Variants in DNER observed in about 807,000 individuals in gnomAD.
The protein encoded by DNER is delta and Notch-like epidermal growth factor-related receptor.
A neutral mutation model predicts 78.2 loss-of-function variants in DNER; 33 were observed. The observed-to-expected ratio is 0.42, with a 90% CI of 0.32 to 0.56. The LOEUF is 0.56. Among genes scored for constraint, DNER ranks in the 20% least tolerant of loss-of-function variants. The pLI is 0.11. For synonymous variants in DNER, 417 were observed against 384.8 expected, an observed-to-expected ratio of 1.08 and a Z score of -0.98; for missense variants, 918 against 975.3, an observed-to-expected ratio of 0.94 and a Z score of 0.78.
In DNER at chr2:229,477,260, A is replaced by T. The variant is rs781514239; in HGVS notation, c.1148-7T>A. On this transcript the variant is annotated splice_polypyrimidine_tract_variant and splice_region_variant and intron_variant, in intron 6 of 12. Transcript: ENST00000341772. ...CAAAGCTCTCCAGTATAACCTGAAT[A>T]AAACAAAATGTACATTTTATAAAAT... is the stretch of plus-strand genomic sequence containing the variant. 18 of 1,598,056 alleles carry T rather than the reference A, an allele frequency of 1.1e-5. 1 individual carries two copies. The highest frequency in any genetic ancestry group is 1.7e-4 in the Middle Eastern group (1 of 6,038).
At chr2:229,475,294 T>C (rs774383963) in intron 7 of DNER, among the ~76,000 whole-genome samples, 5 of 152,206 alleles carry the variant, frequency 3.3e-5, no homozygotes, top group Admixed American at 2.0e-4. Flanking sequence ...AGGATGAAGA[T>C]GAAAGGCCTT....
intron 4 of DNER, among the ~76,000 whole-genome samples, chr2:229,573,265 C>A (rs191238312): frequency 2.8e-4 from 43 of 152,268 alleles, no homozygotes; most frequent in Non-Finnish European, 5.3e-4. Flanking sequence ...GAAGAATGCA[C>A]GTGAATACCA....
intron 6 of DNER, among the ~76,000 whole-genome samples, chr2:229,484,122 G>A (rs564464817): frequency 5.9e-4 from 90 of 152,136 alleles, no homozygotes; most frequent in Non-Finnish European, 1.0e-3. Flanking sequence ...TTGAAGGAGC[G>A]AATCCACTTG....
intron 9 of DNER, among the ~76,000 whole-genome samples, chr2:229,409,369 A>G (rs1693457268): frequency 6.6e-6 from 1 of 152,232 alleles, no homozygotes; most frequent in Non-Finnish European, 1.5e-5. Context: ...AGGTGCCTGA[A>G]GCCTAGAAAA....
chr2:229,445,001 C>T (rs942185895), intron 8 of DNER, among the ~76,000 whole-genome samples: 1 of 152,150 alleles, frequency 6.6e-6, no homozygotes, highest in Non-Finnish European at 1.5e-5. Context: ...ACGGAACTCT[C>T]AGGAGACAGG....
chr2:229,366,825 G>T (rs760016453), intron 12 of DNER, 48 bp downstream of exon 12: 1 of 1,609,462 alleles, frequency 6.2e-7, no homozygotes. Context: ...CTGTTCCCAA[G>T]AATGCACATG....
chr2:229,430,907 G>A (rs1439221497), intron 8 of DNER, among the ~76,000 whole-genome samples: 1 of 151,948 alleles, frequency 6.6e-6, no homozygotes, highest in African/African-American at 2.4e-5. Context: ...TTTTTTAGTG[G>A]AGAGATAAGA....
chr2:229,458,135 CAAAAAAAAAAAAAA>C (rs61340733), intron 7 of DNER, among the ~76,000 whole-genome samples: 2 of 17,716 alleles, frequency 1.1e-4, no homozygotes, highest in African/African-American at 4.3e-4. Context: ...GACTCTATCT[CAAAAAAAAAAAAAA>C]AAAAAAAAAA....
At chr2:229,582,959 G>T (rs1697429790) in intron 4 of DNER, among the ~76,000 whole-genome samples, 1 of 152,108 alleles carries the variant, frequency 6.6e-6, no homozygotes, top group Non-Finnish European at 1.5e-5. Flanking sequence ...AAGTTTTAAA[G>T]ATTATTCCCA....
chr2:229,585,814 G>C, intron 4 of DNER, 44 bp downstream of exon 4: 1 of 1,608,944 alleles, frequency 6.2e-7, no homozygotes, highest in South Asian at 1.1e-5. Context: ...CCAAAGTTGG[G>C]TTGAATCAGA....
chr2:229,666,826 A>G (rs1245805697), intron 1 of DNER, among the ~76,000 whole-genome samples: 1 of 152,168 alleles, frequency 6.6e-6, no homozygotes, highest in Non-Finnish European at 1.5e-5. Flanking sequence ...TGGTTCTGTG[A>G]CTGGGCTCAG....
chr2:229,612,584 A>G (rs917184379), intron 1 of DNER, among the ~76,000 whole-genome samples: 1 of 152,250 alleles, frequency 6.6e-6, no homozygotes, highest in African/African-American at 2.4e-5. Context: ...TTGCAGCTCT[A>G]TGATTCCAGA....
At chr2:229,592,930 G>A (rs1030068885) in intron 1 of DNER, among the ~76,000 whole-genome samples, 2 of 152,176 alleles carry the variant, frequency 1.3e-5, no homozygotes, top group African/African-American at 4.8e-5. Flanking sequence ...CATACATGGA[G>A]AGAATTCTGA....
intron 5 of DNER, among the ~76,000 whole-genome samples, chr2:229,514,523 G>A (rs181881340): frequency 6.6e-6 from 1 of 152,272 alleles, no homozygotes; most frequent in East Asian, 1.9e-4. Context: ...GTTTTCATCT[G>A]TGACCTATTA....
At chr2:229,698,829 T>C (rs931670732) in intron 1 of DNER, among the ~76,000 whole-genome samples, 10 of 152,148 alleles carry the variant, frequency 6.6e-5, no homozygotes, top group African/African-American at 2.4e-4. Context: ...TTTCCTATTA[T>C]CTCTCTCATT....
chr2:229,647,483 T>C (rs1428349770), intron 1 of DNER, among the ~76,000 whole-genome samples: 1 of 152,208 alleles, frequency 6.6e-6, no homozygotes, highest in Non-Finnish European at 1.5e-5. Context: ...TAGACTGCAA[T>C]CTGGAAATAG....
chr2:229,585,943 A>T lies in DNER; in HGVS notation c.762T>A (p.Asp254Glu), dbSNP rs148127828. The T allele has an allele frequency of 1.6e-3, 2,588 of 1,614,178 alleles. 6 individuals carry two copies. The highest frequency in any genetic ancestry group is 2.1e-3 in the Non-Finnish European group (2,467 of 1,180,020). The change falls in exon 4 of 13, where the codon GAT becomes GAA. Residue 254 changes from aspartate (D) to glutamate (E), a missense_variant. Coordinates refer to ENST00000341772, the MANE Select transcript of DNER (RefSeq NM_139072.4). ...CCTGAAGGGGGGTCACACTTCGTCC[A>T]TCTATGAGGGAGCACTGTTGGAATC... ...ATGFQQCSLI[D>E]GRSVTPLQAS...
chr2:229,710,475 T>TA (rs1217588444), intron 1 of DNER, among the ~76,000 whole-genome samples: 6 of 151,898 alleles, frequency 4.0e-5, no homozygotes, highest in Admixed American at 3.3e-4. Flanking sequence ...AAAATGGGAG[T>TA]AGGGACAGCA....
chr2:229,573,948 C>T (rs1208117169), intron 4 of DNER, among the ~76,000 whole-genome samples: 1 of 152,168 alleles, frequency 6.6e-6, no homozygotes, highest in Non-Finnish European at 1.5e-5. Flanking sequence ...ATATCTTCTG[C>T]TTAAGGAGAT....
Sources: allele counts gnomAD v4.1 joint callset (sites outside exome capture counted in the v4.1 genomes callset), GRCh38; gene constraint gnomAD v4.1.1; transcripts MANE v1.5; gene names NCBI Gene and HGNC (gene_info 2026-07-23, HGNC 2026-07-21).